Variants in KLHL23 observed in about 807,000 individuals in gnomAD.
KLHL23 encodes kelch like family member 23, also known as kelch-like protein 23.
A neutral mutation model predicts 48.9 loss-of-function variants in KLHL23; 33 were observed. The observed-to-expected ratio is 0.67, with a 90% CI of 0.51 to 0.90. KLHL23 has a LOEUF of 0.90. Ranked by LOEUF, KLHL23 falls within the 40% of genes least tolerant of loss-of-function variation. The pLI, the probability that KLHL23 is intolerant of heterozygous loss-of-function variation, is 0.00. For missense variants in KLHL23, 608 were observed against 669.6 expected (o/e 0.91, Z 1.02); for synonymous variants, 234 against 231.6 (o/e 1.01, Z -0.09).
rs2105643906 is a variant in KLHL23 at position 169,738,694 on chromosome 2, G to A, written c.1213+2467G>A. 1.3e-5 allele frequency among the ~76,000 whole-genome samples: 2 copies of A among 151,954 alleles called. 1 individual carries two copies. Among genetic ancestry groups the A allele is most frequent in the South Asian group, 4.2e-4 (2 of 4,810 alleles). On this transcript the variant is annotated intron_variant, in intron 2 of 3. Coordinates refer to ENST00000392647, the MANE Select transcript of KLHL23 (RefSeq NM_144711.6). ...TCCACTTTTATTTTGGAATAGAAAGGAACAAGAAGATTGAACTGTATCATG... is the reference window on the plus strand; with the variant it reads ...TCCACTTTTATTTTGGAATAGAAAGAAACAAGAAGATTGAACTGTATCATG...
chr2:169,746,946 A>G (rs192463559), intron 3 of KLHL23, among the ~76,000 whole-genome samples: 2 of 152,376 alleles, frequency 1.3e-5, no homozygotes, highest in East Asian at 1.9e-4. Flanking sequence ...AGTAAATCCT[A>G]TAAAAATTCA....
In KLHL23 at chr2:169,749,991, G is replaced by GTATA. The variant is rs1688914840; in HGVS notation, c.*260_*263dup. On this transcript the variant is annotated 3_prime_UTR_variant, in exon 4 of 4. Transcript: ENST00000392647. Reference sequence around the variant, plus strand: ...CATATATATGTGTATATATACGTATGTATACATATATGTGTATATATACGT... The same window carrying GTATA: ...CATATATATGTGTATATATACGTATGTATATATACATATATGTGTATATATACGT... The GTATA allele has an allele frequency of 5.6e-6, 1 of 177,456 alleles. No individual in the cohort carries two copies. The highest frequency in any genetic ancestry group is 6.2e-5 in the Admixed American group (1 of 16,178). 11.0% of individuals were successfully genotyped at this position (177,456 alleles called of 1,614,324 possible). A position where few individuals can be genotyped will look rare whatever the true frequency, so the allele number is the denominator to read the frequency against.
chr2:169,740,590 A>C (rs1378129577), intron 2 of KLHL23, among the ~76,000 whole-genome samples: 5 of 150,520 alleles, frequency 3.3e-5, no homozygotes, highest in Non-Finnish European at 7.4e-5. Flanking sequence ...CTAGGACTAC[A>C]GGCGCCCACC....
intron 2 of KLHL23, among the ~76,000 whole-genome samples, chr2:169,736,641 T>G (rs2105641216): frequency 6.6e-6 from 1 of 152,274 alleles, no homozygotes; most frequent in East Asian, 1.9e-4. Context: ...ACGTCTGCTT[T>G]TGCAATTCAG....
rs773423174 is a variant in KLHL23, at chr2:169,735,469, C to T, written c.455C>T (p.Pro152Leu). The T allele has an allele frequency of 6.2e-7, 1 of 1,613,980 alleles. No homozygotes were observed. The highest frequency in any genetic ancestry group is 1.1e-5 in the South Asian group (1 of 91,082). ...TCCTTTGCAGAATTTCATGTGTGTC[C>T]AGAACTAGAGAAGGAATCTCGAAGA... ...MHSFAEFHVC[P>L]ELEKESRRIL... The change falls in exon 2 of 4, where the codon CCA becomes CTA. Residue 152 changes from proline (P) to leucine (L), a missense_variant. By Grantham distance (98) the Pro-to-Leu change is moderately conservative. This residue lies in a region of KLHL23 where 419 missense variants were observed against 473.1 expected (regional missense o/e 0.89). Transcript: ENST00000392647. The surrounding 1 kb of genome is among the most constrained non-coding windows in gnomAD (Gnocchi z 4.5).
chr2:169,749,439 G>C lies in KLHL23; in HGVS notation c.1384G>C (p.Val462Leu), dbSNP rs1345806619. The C allele has an allele frequency of 6.2e-7, 1 of 1,611,340 alleles. No individual in the cohort carries two copies. Among genetic ancestry groups the C allele is most frequent in the African/African-American group, 1.3e-5 (1 of 74,842 alleles). Residue 462 changes from valine to leucine, a missense_variant, in exon 4 of 4, where the codon GTT (valine) becomes CTT (leucine). Transcript: ENST00000392647. ...TTTAAAAGAATATGGATTGTGCTCAGTTCCGTTTGAAAATAAGCTCTATCT... is the reference window on the plus strand; with the variant it reads ...TTTAAAAGAATATGGATTGTGCTCACTTCCGTTTGAAAATAAGCTCTATCT... ...SPHPEYGLCS[V>L]PFENKLYLVG... is the part of the protein sequence containing the mutation.
intron 3 of KLHL23, among the ~76,000 whole-genome samples, chr2:169,744,098 C>T (rs1274042300): frequency 6.6e-6 from 1 of 152,074 alleles, no homozygotes; most frequent in Non-Finnish European, 1.5e-5. Flanking sequence ...TTTATTGAGA[C>T]CCTACATTGG....
In KLHL23 at chr2:169,735,601, A is replaced by C; in HGVS notation, c.587A>C (p.Lys196Thr). Residue 196 changes from lysine (K) to threonine (T), a missense_variant, in exon 2 of 4, where the codon AAA becomes ACA. This residue lies in a region of KLHL23 where 419 missense variants were observed against 473.1 expected (regional missense o/e 0.89). Coordinates refer to ENST00000392647, the MANE Select transcript of KLHL23 (RefSeq NM_144711.6). The surrounding 1 kb of genome is among the most constrained non-coding windows in gnomAD (Gnocchi z 4.5). ...ILSRKNLSVW[K>T]EEAIIEPVIK... ...TCCAGAAAGAATCTCAGTGTTTGGA[A>C]AGAAGAAGCTATCATAGAGCCAGTT... 6.2e-7 allele frequency: 1 copy of C among 1,613,966 alleles called. No individual in the cohort carries two copies. Among genetic ancestry groups the C allele is most frequent in the Non-Finnish European group, 8.5e-7 (1 of 1,180,026 alleles).
chr2:169,751,087 C>T lies in KLHL23; in HGVS notation c.*1355C>T, dbSNP rs1688959672. On this transcript the variant is annotated 3_prime_UTR_variant, in exon 4 of 4. Transcript: ENST00000392647. Reference sequence around the variant, plus strand: ...ATCACAGACAGGCCTAGATACAGATCCCCTCACCCCTTGCTACATCCAAAG... The same window carrying T: ...ATCACAGACAGGCCTAGATACAGATTCCCTCACCCCTTGCTACATCCAAAG... 1 of 152,216 alleles carries T rather than the reference C, an allele frequency of 6.6e-6. No individual in the cohort carries two copies. The highest frequency in any genetic ancestry group is 1.5e-5 in the Non-Finnish European group (1 of 68,064). The allele number at this position is 152,216 out of a possible 1,614,324, so 9.4% of individuals were successfully genotyped here. A position where few individuals can be genotyped will look rare whatever the true frequency, so the allele number is the denominator to read the frequency against.
At chr2:169,748,604 C>G (rs575302595) in intron 3 of KLHL23, among the ~76,000 whole-genome samples, 10 of 152,222 alleles carry the variant, frequency 6.6e-5, no homozygotes, top group African/African-American at 2.4e-4. Flanking sequence ...GTTCTGCCTC[C>G]CTGCATTTTG....
chr2:169,738,826 TCCTCCC>T (rs1688579611), intron 2 of KLHL23, among the ~76,000 whole-genome samples: 2 of 25,722 alleles, frequency 7.8e-5, no homozygotes, highest in African/African-American at 1.4e-4. Context: ...CAAACCTATT[TCCTCCC>T]CCTCCTCCCC....
rs1346277084 is a variant in KLHL23, at chr2:169,736,084, A to G, written c.1070A>G (p.Asn357Ser). 13 of 1,614,088 alleles carry G rather than the reference A, an allele frequency of 8.1e-6. No homozygotes were observed. In the Admixed American group the frequency reaches 1.0e-4, roughly 12 times the overall value. ...TGGACAGAAGGTTTGCCAATGCTCA[A>G]TGCCAGGTATTACCACTGTGCAGTC... is the stretch of plus-strand genomic sequence containing the variant. The part of the protein sequence containing the change: ...DEWTEGLPML[N>S]ARYYHCAVTL... The change falls in exon 2 of 4, where the codon AAT becomes AGT. Residue 357 changes from asparagine to serine, a missense_variant. Asn to Ser is a conservative substitution (Grantham distance 46). This residue lies in a region of KLHL23 where 419 missense variants were observed against 473.1 expected (regional missense o/e 0.89). Coordinates refer to ENST00000392647, the MANE Select transcript of KLHL23 (RefSeq NM_144711.6).
In KLHL23 at chr2:169,741,497, T is replaced by C. The variant is rs1688675575; in HGVS notation, c.1326T>C (p.Asp442=). ...ACAAAGTTCAGAGCTACAATTCCGA[T>C]ATCAACGAATGGAGCCTCATCACCT... The part of the protein sequence containing the change: ...TYDKVQSYNS[D]INEWSLITSS... Residue 442 remains aspartate (D), a synonymous_variant, in exon 3 of 4, where the codon GAT becomes GAC. Transcript: ENST00000392647. The C allele has an allele frequency of 6.2e-7, 1 of 1,613,984 alleles. No individual in the cohort carries two copies. Among genetic ancestry groups the C allele is most frequent in the South Asian group, 1.1e-5 (1 of 91,066 alleles).
In KLHL23 at chr2:169,751,533, G is replaced by T. The variant is rs940962889; in HGVS notation, c.*1801G>T. ...AAAATAATTCAGAAAAAAGATAAAT[G>T]CATGAAGACATTTATGTCTGCATTC... On this transcript the variant is annotated 3_prime_UTR_variant, in exon 4 of 4. Transcript: ENST00000392647. 1.3e-5 allele frequency: 2 copies of T among 152,006 alleles called. No homozygotes were observed. Among genetic ancestry groups the T allele is most frequent in the Admixed American group, 6.6e-5 (1 of 15,260 alleles). The allele number at this position is 152,006 out of a possible 1,614,324, so 9.4% of individuals were successfully genotyped here.
At chr2:169,741,896 A>G (rs986230592) in intron 3 of KLHL23, among the ~76,000 whole-genome samples, 1 of 152,230 alleles carries the variant, frequency 6.6e-6, no homozygotes, top group East Asian at 1.9e-4. Flanking sequence ...CATTCTATCA[A>G]ATAGTCAGAA....
Position 169,749,790 on chromosome 2 carries a change from AG to A in KLHL23, c.*59del. 3 of 1,522,488 alleles carry A rather than the reference AG, an allele frequency of 2.0e-6. No individual in the cohort carries two copies. Among genetic ancestry groups the A allele is most frequent in the South Asian group, 2.6e-5 (2 of 75,860 alleles). 94.3% of individuals were successfully genotyped at this position (1,522,488 alleles called of 1,614,324 possible). On this transcript the variant is annotated 3_prime_UTR_variant, in exon 4 of 4. Coordinates refer to ENST00000392647, the MANE Select transcript of KLHL23 (RefSeq NM_144711.6). Reference sequence around the variant, plus strand: ...TTTTGGAGTATAGTTTTATAAAAAAAGAATGCAGGGTTTGAAGTTCCTTACC... The same window carrying A: ...TTTTGGAGTATAGTTTTATAAAAAAAAATGCAGGGTTTGAAGTTCCTTACC...
At chr2:169,744,408 C>T (rs1369961810) in intron 3 of KLHL23, among the ~76,000 whole-genome samples, 1 of 152,058 alleles carries the variant, frequency 6.6e-6, no homozygotes, top group African/African-American at 2.4e-5. Context: ...GAAGTCAGCC[C>T]AGTGGAGGAA....
rs1351348549 is a variant in KLHL23 at position 169,736,176 on chromosome 2, T to C, written c.1162T>C (p.Phe388Leu). Residue 388 changes from phenylalanine to leucine, a missense_variant, in exon 2 of 4, where the codon TTC (phenylalanine) becomes CTC (leucine). Phe to Leu is a conservative substitution (Grantham distance 22). Coordinates refer to ENST00000392647, the MANE Select transcript of KLHL23 (RefSeq NM_144711.6). ...AGGGGCTCCAGCAGAAGAGGCTGAG[T>C]TCTATGATCCTTTAAAAGAGAAATG... Reference protein sequence around the residue: ...RKGAPAEEAEFYDPLKEKWIP... With the variant: ...RKGAPAEEAELYDPLKEKWIP... 1.2e-6 allele frequency: 2 copies of C among 1,613,242 alleles called. No individual in the cohort carries two copies. The highest frequency in any genetic ancestry group is 2.7e-5 in the African/African-American group (2 of 74,876).
At chr2:169,739,138 CTCA>C (rs1688612784) in intron 2 of KLHL23, among the ~76,000 whole-genome samples, 1 of 149,532 alleles carries the variant, frequency 6.7e-6, no homozygotes, top group African/African-American at 2.5e-5. Flanking sequence ...AGCTCAGGAC[CTCA>C]AAATCGGTTT....
Sources: gnomAD v4.1 joint callset for allele counts (sites outside exome capture counted in the v4.1 genomes callset) on GRCh38, gnomAD v4.1.1 for gene constraint, gnomAD v4.1.1 regional missense constraint, Gnocchi (gnomAD v3.1) non-coding constraint, MANE v1.5 for transcripts, NCBI Gene and HGNC (gene_info 2026-07-23, HGNC 2026-07-21) for gene names.